Variants in ERI1 observed in about 807,000 individuals in gnomAD.
The protein encoded by ERI1 is exoribonuclease 1.
A neutral mutation model predicts 39.7 loss-of-function variants in ERI1; 39 were observed. That is an observed-to-expected ratio of 0.98 (90% CI 0.76 to 1.28). ERI1 has a LOEUF of 1.28. Ranked by LOEUF, ERI1 falls within the 50% of genes most tolerant of loss-of-function variation. ERI1 has a pLI of 0.00. For synonymous variants in ERI1, 204 were observed against 149.6 expected, an observed-to-expected ratio of 1.36 and a Z score of -2.65; for missense variants, 581 against 416.9, an observed-to-expected ratio of 1.39 and a Z score of -3.43.
chr8:9,098,367 A>G (rs890068252), intron 3 of ERI1, among the ~76,000 whole-genome samples: 7 of 152,212 alleles, frequency 4.6e-5, no homozygotes, highest in African/African-American at 1.4e-4. Flanking sequence ...TAAAAATACA[A>G]AAAATTAGTT....
At chr8:9,003,195 C>G in intron 1 of ERI1, 24 bp downstream of exon 1, 9 of 1,225,798 alleles carry the variant, frequency 7.3e-6, no homozygotes, top group Non-Finnish European at 9.2e-6. Context: ...CCGCGCCTGG[C>G]TGTTGGCGCC....
intron 3 of ERI1, among the ~76,000 whole-genome samples, chr8:9,044,414 A>C (rs991626663): frequency 6.6e-6 from 1 of 152,168 alleles, no homozygotes; most frequent in Non-Finnish European, 1.5e-5. Context: ...GCCAGCGACC[A>C]GGTCAGCAGA....
chr8:9,049,093 C>CT (rs1798269525), intron 3 of ERI1, among the ~76,000 whole-genome samples: 1 of 151,870 alleles, frequency 6.6e-6, no homozygotes, highest in African/African-American at 2.4e-5. Context: ...AATTCCAGCA[C>CT]TTTGGGAGGT....
chr8:9,094,853 A>AT (rs921354198), intron 3 of ERI1, among the ~76,000 whole-genome samples: 2 of 152,110 alleles, frequency 1.3e-5, no homozygotes, highest in Admixed American at 6.6e-5. Context: ...GATTTTTCCT[A>AT]TTTTTTAAAA....
downstream of ERI1, among the ~76,000 whole-genome samples, chr8:9,033,625 A>G (rs546968206): frequency 1.1e-4 from 17 of 152,226 alleles, no homozygotes; most frequent in Non-Finnish European, 1.0e-4. Flanking sequence ...ACTTTACTCC[A>G]TTGTTTAGTA....
intron 6 of ERI1, among the ~76,000 whole-genome samples, chr8:9,029,026 A>C (rs1198466542): frequency 6.7e-6 from 1 of 148,380 alleles, no homozygotes; most frequent in Non-Finnish European, 1.5e-5. Context: ...TTTTTAAATA[A>C]CCTGAAAAAT....
chr8:9,098,229 C>T (rs912861525), intron 3 of ERI1, among the ~76,000 whole-genome samples: 2 of 151,950 alleles, frequency 1.3e-5, no homozygotes, highest in African/African-American at 4.8e-5. Flanking sequence ...ACTAAAAATA[C>T]AAATAATTGG....
At chr8:9,046,092 A>G (rs559970022) in intron 3 of ERI1, among the ~76,000 whole-genome samples, 2 of 152,310 alleles carry the variant, frequency 1.3e-5, no homozygotes, top group East Asian at 1.9e-4. Flanking sequence ...TAAGAAAACA[A>G]ATTCCCACAG....
intron 3 of ERI1, among the ~76,000 whole-genome samples, chr8:9,060,973 G>A (rs57938055): frequency 0.026 from 3,931 of 152,306 alleles, 146 homozygotes; most frequent in African/African-American, 0.085. Context: ...ATAACAGCAT[G>A]GTGGTGCAGA....
intron 2 of ERI1, among the ~76,000 whole-genome samples, chr8:9,010,484 A>G (rs1032396130): frequency 1.3e-5 from 2 of 152,234 alleles, no homozygotes; most frequent in Non-Finnish European, 2.9e-5. Context: ...TAAAAAAGCT[A>G]ACTGGTTGAT....
At chr8:9,054,585 T>C (rs1442247987) in intron 3 of ERI1, among the ~76,000 whole-genome samples, 1 of 152,230 alleles carries the variant, frequency 6.6e-6, no homozygotes, top group Non-Finnish European at 1.5e-5. Context: ...CAGAGTAAAC[T>C]ATCCGTGTTT....
intron 3 of ERI1, among the ~76,000 whole-genome samples, chr8:9,059,407 C>A (rs1251226566): frequency 6.6e-6 from 1 of 151,578 alleles, no homozygotes; most frequent in Non-Finnish European, 1.5e-5. Flanking sequence ...GGAGAGATAA[C>A]GGGCGATGTT....
intron 3 of ERI1, among the ~76,000 whole-genome samples, chr8:9,051,525 C>T (rs1368660230): frequency 6.6e-6 from 1 of 151,988 alleles, no homozygotes; most frequent in Non-Finnish European, 1.5e-5. Flanking sequence ...GGCATGGTAG[C>T]ATGCACCTGT....
intron 3 of ERI1, among the ~76,000 whole-genome samples, chr8:9,089,955 C>T (rs547691411): frequency 1.4e-4 from 22 of 152,202 alleles, no homozygotes; most frequent in African/African-American, 4.1e-4. Flanking sequence ...GCTCCTGACT[C>T]GACCGTTGGC....
chr8:9,004,024 G>A, intron 1 of ERI1: 1 of 1,244,440 alleles, frequency 8.0e-7, no homozygotes, highest in South Asian at 1.2e-5. Flanking sequence ...TCGGGTGCCT[G>A]CCTCCCTTGG....
intron 3 of ERI1, among the ~76,000 whole-genome samples, chr8:9,072,778 C>A (rs996783665): frequency 6.6e-6 from 1 of 152,120 alleles, no homozygotes; most frequent in Non-Finnish European, 1.5e-5. Flanking sequence ...ACCCCCCACC[C>A]CACTCCCGAC....
At chr8:9,034,247 T>C (rs1797764992), downstream of ERI1, among the ~76,000 whole-genome samples, 1 of 152,268 alleles carries the variant, frequency 6.6e-6, no homozygotes, top group South Asian at 2.1e-4. Flanking sequence ...TCAAGGTAAA[T>C]TTCATTAGAT....
chr8:9,029,261 T>C (rs1797414386), intron 6 of ERI1, among the ~76,000 whole-genome samples: 2 of 151,686 alleles, frequency 1.3e-5, no homozygotes, highest in South Asian at 4.1e-4. Context: ...AACTGCAGAG[T>C]TTTTAGATGT....
intron 3 of ERI1, among the ~76,000 whole-genome samples, chr8:9,094,586 G>A (rs1478152396): frequency 6.6e-6 from 1 of 152,182 alleles, no homozygotes; most frequent in African/African-American, 2.4e-5. Flanking sequence ...CAACCCAACT[G>A]CTCAGAACAA....
Sources: gnomAD v4.1 joint callset for allele counts (sites outside exome capture counted in the v4.1 genomes callset) on GRCh38, gnomAD v4.1.1 for gene constraint, MANE v1.5 for transcripts, NCBI Gene and HGNC (gene_info 2026-07-23, HGNC 2026-07-21) for gene names.